Variants in STYX observed in about 807,000 individuals in gnomAD.
STYX encodes the protein serine/threonine/tyrosine-interacting protein.
A neutral mutation model predicts 42.7 loss-of-function variants in STYX; 20 were observed. The ratio of observed to expected loss-of-function variants is 0.47; its 90% CI spans 0.33 to 0.68. The LOEUF (loss-of-function observed/expected upper bound fraction) is 0.68, where lower values mean the gene tolerates loss of function less well. STYX is among the 30% of genes least tolerant of loss of function. The pLI, the probability that STYX is intolerant of heterozygous loss-of-function variation, is 0.02. For synonymous variants in STYX, 78 were observed against 81.9 expected (o/e 0.95, Z 0.26); for missense variants, 226 against 268.5 (o/e 0.84, Z 1.11).
At chr14:52,741,058 T>C (rs1436255955) in intron 1 of STYX, among the ~76,000 whole-genome samples, 1 of 152,104 alleles carries the variant, frequency 6.6e-6, no homozygotes, top group African/African-American at 2.4e-5. Context: ...TTCATCCATG[T>C]TGTTGTGTTT....
At chr14:52,744,544 G>C (rs1881322067) in intron 1 of STYX, among the ~76,000 whole-genome samples, 1 of 152,200 alleles carries the variant, frequency 6.6e-6, no homozygotes, top group African/African-American at 2.4e-5. Flanking sequence ...CTCTGACTTA[G>C]AAGATCAGTT....
At chr14:52,732,868 A>G (rs573336355) in intron 1 of STYX, among the ~76,000 whole-genome samples, 1 of 151,346 alleles carries the variant, frequency 6.6e-6, no homozygotes, top group East Asian at 2.0e-4. Context: ...ACGGGGTTTC[A>G]CCATGTTGGC....
intron 1 of STYX, among the ~76,000 whole-genome samples, chr14:52,731,013 C>T (rs1389146177): frequency 6.6e-6 from 1 of 152,212 alleles, no homozygotes; most frequent in African/African-American, 2.4e-5. Context: ...ATGACCCGCA[C>T]AACAAAGTGT....
chr14:52,730,953 G>A (rs1179611294), intron 1 of STYX, among the ~76,000 whole-genome samples: 1 of 152,192 alleles, frequency 6.6e-6, no homozygotes, highest in Admixed American at 6.5e-5. Context: ...GTTTGGAAGC[G>A]CGCCTTCGAA....
At chr14:52,746,399 A>T in intron 2 of STYX, 27 bp from the exon 3 acceptor site, 1 of 1,536,554 alleles carries the variant, frequency 6.5e-7, no homozygotes, top group African/African-American at 1.4e-5. Context: ...TGCTGATGGT[A>T]AATACCTCAA....
intron 4 of STYX, among the ~76,000 whole-genome samples, chr14:52,752,860 T>G (rs1881678030): frequency 6.7e-6 from 1 of 148,480 alleles, no homozygotes; most frequent in Non-Finnish European, 1.5e-5. Flanking sequence ...CGTTTTTAAT[T>G]TTGTTTTTTT....
At chr14:52,731,061 C>A (rs974567960) in intron 1 of STYX, among the ~76,000 whole-genome samples, 3 of 152,202 alleles carry the variant, frequency 2.0e-5, no homozygotes, top group African/African-American at 4.8e-5. Flanking sequence ...AACTCTTAAT[C>A]AGAAATCTTG....
intron 1 of STYX, among the ~76,000 whole-genome samples, chr14:52,739,941 TA>T (rs1397914960): frequency 3.9e-5 from 6 of 152,154 alleles, no homozygotes; most frequent in Non-Finnish European, 5.9e-5. Context: ...CATACCTGGC[TA>T]AAAAACTCAT....
At position 52,730,454 on chromosome 14, in the gene STYX, A is replaced by G. The variant is rs781120440; in HGVS notation, c.-21A>G. 4.3e-6 allele frequency: 7 copies of G among 1,611,746 alleles called. No individual in the cohort carries two copies. Among genetic ancestry groups the G allele is most frequent in the South Asian group, 3.3e-5 (3 of 90,738 alleles). On this transcript the variant is annotated 5_prime_UTR_variant, in exon 1 of 11. Transcript: ENST00000354586. ...TGTGTAACACTCTCCCACCCCACCC[A>G]CCAGCCCGCGGGCCAGCACCATGGA...
intron 1 of STYX, among the ~76,000 whole-genome samples, chr14:52,731,384 C>A (rs917000348): frequency 6.8e-6 from 1 of 148,016 alleles, no homozygotes; most frequent in South Asian, 2.1e-4. Flanking sequence ...GGAGACCATT[C>A]AATTTATTCC....
At chr14:52,741,493 A>G (rs573204989) in intron 1 of STYX, among the ~76,000 whole-genome samples, 1 of 152,094 alleles carries the variant, frequency 6.6e-6, no homozygotes, top group Non-Finnish European at 1.5e-5. Flanking sequence ...GCTGGAGTGC[A>G]GTGGTGCAAT....
chr14:52,768,189 T>G (rs899959718), intron 9 of STYX, among the ~76,000 whole-genome samples: 1 of 152,174 alleles, frequency 6.6e-6, no homozygotes, highest in Non-Finnish European at 1.5e-5. Flanking sequence ...CTATTTTTTT[T>G]GAAAATTTTA....
At chr14:52,753,532 C>T (rs1043018030) in intron 4 of STYX, among the ~76,000 whole-genome samples, 11 of 152,040 alleles carry the variant, frequency 7.2e-5, no homozygotes, top group African/African-American at 2.7e-4. Context: ...GGGGGATTGC[C>T]TCCAGGAACC....
In STYX at chr14:52,732,684, T is replaced by A. The variant is rs180698280; in HGVS notation, c.57+2153T>A. ...TATGCTTTTATTTATTTATTTATTT[T>A]TTTGAGACGGAGTTTCACTCTTGTT... On this transcript the variant is annotated intron_variant, in intron 1 of 10. Coordinates refer to ENST00000354586, the MANE Select transcript of STYX (RefSeq NM_145251.4). 1.4e-3 allele frequency among the ~76,000 whole-genome samples: 220 copies of A among 152,242 alleles called. 1 individual carries two copies. The highest frequency in any genetic ancestry group is 4.4e-3 in the African/African-American group (181 of 41,538).
chr14:52,737,066 GC>G (rs1273497389), intron 1 of STYX, among the ~76,000 whole-genome samples: 1 of 151,884 alleles, frequency 6.6e-6, no homozygotes, highest in South Asian at 2.1e-4. Flanking sequence ...CCAAACTGTT[GC>G]CCCCCACCTC....
At position 52,772,286 on chromosome 14, in the gene STYX, G is replaced by C. The variant is rs1465565387; in HGVS notation, c.*1180G>C. The C allele has an allele frequency of 7.3e-6, 1 of 137,344 alleles. No individual in the cohort carries two copies. The highest frequency in any genetic ancestry group is 1.6e-5 in the Non-Finnish European group (1 of 64,324). 8.5% of individuals were successfully genotyped at this position (137,344 alleles called of 1,614,324 possible). A position where few individuals can be genotyped will look rare whatever the true frequency, so the allele number is the denominator to read the frequency against. On this transcript the variant is annotated 3_prime_UTR_variant, in exon 11 of 11. Transcript: ENST00000354586. ...TGAGATTGTTCCGGCTCAAACAGAAGCTTTTCTTTGGGGAAGGTGATTTGT... is the reference window on the plus strand; with the variant it reads ...TGAGATTGTTCCGGCTCAAACAGAACCTTTTCTTTGGGGAAGGTGATTTGT...
At position 52,771,055 on chromosome 14, in the gene STYX, A is replaced by G. The variant is rs1882490611; in HGVS notation, c.621A>G (p.Glu207=). Residue 207 remains glutamate, a synonymous_variant, in exon 11 of 11, where the codon GAA becomes GAG. Transcript: ENST00000354586. ...TAGGCAGTTTGAAGAGAACACATGA[A>G]GAAGAGGATGATTTTGGAACCATGC... The part of the protein sequence containing the change: ...GTTGSLKRTH[E]EEDDFGTMQV... 6.2e-7 allele frequency: 1 copy of G among 1,613,054 alleles called. No individual in the cohort carries two copies.
At chr14:52,734,115 T>C (rs1276058362) in intron 1 of STYX, among the ~76,000 whole-genome samples, 1 of 152,184 alleles carries the variant, frequency 6.6e-6, no homozygotes, top group Non-Finnish European at 1.5e-5. Flanking sequence ...AAACGAAGAT[T>C]CCACCCGCAG....
At chr14:52,757,966 A>G (rs750438588) in intron 8 of STYX, 42 bp downstream of exon 8, 1 of 1,577,662 alleles carries the variant, frequency 6.3e-7, no homozygotes, top group South Asian at 1.1e-5. Context: ...TTAAATTCTC[A>G]TTAAAATGAA....
Sources: allele counts gnomAD v4.1 joint callset (sites outside exome capture counted in the v4.1 genomes callset), GRCh38; gene constraint gnomAD v4.1.1; transcripts MANE v1.5; gene names NCBI Gene and HGNC (gene_info 2026-07-23, HGNC 2026-07-21).